The following CCDC6 variants were observed in gnomAD, a reference collection of about 807,000 sequenced individuals.
CCDC6 encodes coiled-coil domain containing 6, also known as coiled-coil domain-containing protein 6.
CCDC6 carries 20 observed loss-of-function variants against 56.6 expected under a neutral mutation model. That is an observed-to-expected ratio of 0.35 (90% CI 0.25 to 0.51). The LOEUF is 0.51. Ranked by LOEUF, CCDC6 falls within the 20% of genes least tolerant of loss-of-function variation. CCDC6 has a pLI of 0.95. For synonymous variants in CCDC6, 241 were observed against 234.4 expected (o/e 1.03, Z -0.26); for missense variants, 367 against 601.1 (o/e 0.61, Z 4.07).
chr10:59,903,309 A>G (rs2071518113), intron 1 of CCDC6, among the ~76,000 whole-genome samples: 1 of 152,220 alleles, frequency 6.6e-6, no homozygotes, highest in South Asian at 2.1e-4. Flanking sequence ...ATGATGTATC[A>G]ACGTAGGTTC....
At chr10:59,862,516 T>TATATATAC (rs1554886091) in intron 1 of CCDC6, among the ~76,000 whole-genome samples, 5 of 97,198 alleles carry the variant, frequency 5.1e-5, no homozygotes, top group Non-Finnish European at 7.6e-5. Flanking sequence ...TATATATATA[T>TATATATAC]ACACACACAC....
intron 2 of CCDC6, among the ~76,000 whole-genome samples, chr10:59,847,057 ATTT>A (rs11415063): frequency 6.7e-6 from 1 of 149,434 alleles, no homozygotes; most frequent in South Asian, 2.1e-4. Context: ...GAATTAGAAA[ATTT>A]TTTTTTTTTT....
chr10:59,813,287 G>GGCAT (rs1263237905), intron 4 of CCDC6, among the ~76,000 whole-genome samples: 1 of 152,138 alleles, frequency 6.6e-6, no homozygotes, highest in Non-Finnish European at 1.5e-5. Flanking sequence ...TAATTGCAAG[G>GGCAT]GCATGGCAAA....
rs3793873 is a variant in CCDC6 at position 59,885,922 on chromosome 10, G to T, written c.303+20200C>A. Among the ~76,000 whole-genome samples, 5 of 19,824 alleles carry T rather than the reference G, an allele frequency of 2.5e-4. 1 individual carries two copies. The highest frequency in any genetic ancestry group is 7.0e-4 in the African/African-American group (4 of 5,732). 13.0% of individuals were successfully genotyped at this position (19,824 alleles called of 152,430 possible). A position where few individuals can be genotyped will look rare whatever the true frequency, so the allele number is the denominator to read the frequency against. ...ATGTCTATTTCCAACCCCGCCCCCC[G>T]CCCCCCCAACTAGAATATCAGCTGC... On this transcript the variant is annotated intron_variant, in intron 1 of 8. Coordinates refer to ENST00000263102, the MANE Select transcript of CCDC6 (RefSeq NM_005436.5).
chr10:59,835,892 T>C (rs1336609223), intron 2 of CCDC6, among the ~76,000 whole-genome samples: 2 of 151,608 alleles, frequency 1.3e-5, no homozygotes, highest in Non-Finnish European at 2.9e-5. Flanking sequence ...GCTCTGTCTC[T>C]ACAAAAAAAG....
chr10:59,803,687 G>A (rs2070595479), intron 7 of CCDC6, among the ~76,000 whole-genome samples: 1 of 152,208 alleles, frequency 6.6e-6, no homozygotes, highest in African/African-American at 2.4e-5. Flanking sequence ...TGCCATGCTG[G>A]TATTGAGCCA....
intron 7 of CCDC6, among the ~76,000 whole-genome samples, chr10:59,798,833 A>T (rs1254680657): frequency 6.7e-6 from 1 of 149,066 alleles, no homozygotes; most frequent in East Asian, 2.0e-4. Flanking sequence ...TCTCTACTAA[A>T]AATACAAAAA....
intron 7 of CCDC6, among the ~76,000 whole-genome samples, chr10:59,797,329 T>C (rs1465088648): frequency 6.6e-6 from 1 of 151,990 alleles, no homozygotes; most frequent in Non-Finnish European, 1.5e-5. Flanking sequence ...CAGTACTGTA[T>C]TGTATTCTTA....
At chr10:59,899,790 G>C (rs950990223) in intron 1 of CCDC6, among the ~76,000 whole-genome samples, 1 of 152,122 alleles carries the variant, frequency 6.6e-6, no homozygotes, top group Non-Finnish European at 1.5e-5. Flanking sequence ...AAAATACTTT[G>C]TCCCCTTTCA....
intron 6 of CCDC6, chr10:59,805,559 G>A (rs1436563220): frequency 1.3e-5 from 2 of 152,120 alleles, no homozygotes; most frequent in Non-Finnish European, 2.9e-5. Flanking sequence ...CCCAAACTGG[G>A]TCCCAGATGC....
Position 59,789,446 on chromosome 10 carries a change from AG to A in CCDC6, c.*3470del, listed in dbSNP as rs1420578944. ...TATGTTTTAATCAAAAAATTAAAGA[AG>A]AAAAAAAAACCCTAAAAAACAAAGA... On this transcript the variant is annotated 3_prime_UTR_variant, in exon 9 of 9. Transcript: ENST00000263102. The A allele has an allele frequency of 1.6e-4, 36 of 231,780 alleles. No individual in the cohort carries two copies. Among genetic ancestry groups the A allele is most frequent in the African/African-American group, 7.3e-4 (33 of 45,334 alleles). The allele number at this position is 231,780 out of a possible 1,614,324, so 14.4% of individuals were successfully genotyped here. A position where few individuals can be genotyped will look rare whatever the true frequency, so the allele number is the denominator to read the frequency against.
Position 59,791,568 on chromosome 10 carries a change from T to G in CCDC6, c.*1349A>C, listed in dbSNP as rs1370029681. 2 of 197,788 alleles carry G rather than the reference T, an allele frequency of 1.0e-5. No homozygotes were observed. The highest frequency in any genetic ancestry group is 2.1e-5 in the Non-Finnish European group (2 of 95,356). The allele number at this position is 197,788 out of a possible 1,614,324, so 12.3% of individuals were successfully genotyped here. A position where few individuals can be genotyped will look rare whatever the true frequency, so the allele number is the denominator to read the frequency against. ...ATTACTTTTCAGTTCTCTGATTATA[T>G]CCAACAGATACACATTCTTGTCATA... On this transcript the variant is annotated 3_prime_UTR_variant, in exon 9 of 9. Transcript: ENST00000263102.
chr10:59,797,229 G>A (rs1245459770), intron 7 of CCDC6, among the ~76,000 whole-genome samples: 2 of 152,030 alleles, frequency 1.3e-5, no homozygotes, highest in Non-Finnish European at 2.9e-5. Flanking sequence ...GTAGAATGGC[G>A]GTGAACTGCT....
intron 3 of CCDC6, among the ~76,000 whole-genome samples, chr10:59,826,126 A>G (rs1169793666): frequency 1.3e-5 from 2 of 152,140 alleles, no homozygotes; most frequent in African/African-American, 4.8e-5. Context: ...TGGTAGAGCT[A>G]TGTGGCTTCC....
chr10:59,790,847 A>G lies in CCDC6; in HGVS notation c.*2070T>C. On this transcript the variant is annotated 3_prime_UTR_variant, in exon 9 of 9. Coordinates refer to ENST00000263102, the MANE Select transcript of CCDC6 (RefSeq NM_005436.5). Reference sequence around the variant, plus strand: ...TTAATTTTTGTGCTTTCAAGAGGTAACTAAATCGATAGGAAGCTGAGGGAA... The same window carrying G: ...TTAATTTTTGTGCTTTCAAGAGGTAGCTAAATCGATAGGAAGCTGAGGGAA... 1 of 211,158 alleles carries G rather than the reference A, an allele frequency of 4.7e-6. No homozygotes were observed. Among genetic ancestry groups the G allele is most frequent in the Non-Finnish European group, 9.6e-6 (1 of 103,910 alleles). The allele number at this position is 211,158 out of a possible 1,614,324, so 13.1% of individuals were successfully genotyped here. A position where few individuals can be genotyped will look rare whatever the true frequency, so the allele number is the denominator to read the frequency against.
chr10:59,849,422 T>C (rs1183028932), intron 2 of CCDC6, among the ~76,000 whole-genome samples: 1 of 152,204 alleles, frequency 6.6e-6, no homozygotes, highest in Non-Finnish European at 1.5e-5. Context: ...AGGGATTTAC[T>C]CTCATGTATC....
At chr10:59,857,687 T>TA in intron 1 of CCDC6, among the ~76,000 whole-genome samples, 1 of 151,912 alleles carries the variant, frequency 6.6e-6, no homozygotes, top group Non-Finnish European at 1.5e-5. Flanking sequence ...TTTTTTTTTT[T>TA]AAAGAATTAC....
At chr10:59,885,536 C>A (rs2071375135) in intron 1 of CCDC6, among the ~76,000 whole-genome samples, 1 of 152,158 alleles carries the variant, frequency 6.6e-6, no homozygotes, top group Non-Finnish European at 1.5e-5. Context: ...AGGTCCAATT[C>A]AAGATTCAGG....
chr10:59,799,572 G>A (rs1007653864), intron 7 of CCDC6, among the ~76,000 whole-genome samples: 2 of 152,164 alleles, frequency 1.3e-5, no homozygotes, highest in African/African-American at 4.8e-5. Context: ...AGAATCTCCA[G>A]GGAGCTGAAC....
Sources: allele counts gnomAD v4.1 joint callset (sites outside exome capture counted in the v4.1 genomes callset), GRCh38; gene constraint gnomAD v4.1.1; transcripts MANE v1.5; gene names NCBI Gene and HGNC (gene_info 2026-07-23, HGNC 2026-07-21).